RPTOR: variants seen among roughly 807,000 people sequenced by gnomAD.
The protein encoded by RPTOR is regulatory-associated protein of mTOR.
In RPTOR, 21 loss-of-function variants were observed where a neutral mutation model predicts 169.9. The ratio of observed to expected loss-of-function variants is 0.12; its 90% CI spans 0.09 to 0.18. RPTOR has a LOEUF of 0.18. RPTOR is among the 10% of genes least tolerant of loss of function. RPTOR has a pLI of 1.00. For synonymous variants in RPTOR, 732 were observed against 753.2 expected (o/e 0.97, Z 0.46); for missense variants, 1,133 against 1,855.9 (o/e 0.61, Z 7.16).
chr17:80,738,197 C>T (rs1043471970), intron 5 of RPTOR, among the ~76,000 whole-genome samples: 2 of 152,234 alleles, frequency 1.3e-5, no homozygotes, highest in East Asian at 1.9e-4. Context: ...ATGCCCAGCC[C>T]GGCCCCGTGT....
intron 9 of RPTOR, among the ~76,000 whole-genome samples, chr17:80,829,517 A>G (rs923927528): frequency 2.0e-5 from 3 of 152,072 alleles, no homozygotes; most frequent in Non-Finnish European, 4.4e-5. Flanking sequence ...GACACATCCA[A>G]CCCGACACAT....
chr17:80,709,657 C>G (rs571026600), intron 4 of RPTOR, among the ~76,000 whole-genome samples: 1 of 152,150 alleles, frequency 6.6e-6, no homozygotes, highest in African/African-American at 2.4e-5. Flanking sequence ...TGCTGTAAAC[C>G]GCGTGAGTGT....
intron 5 of RPTOR, among the ~76,000 whole-genome samples, chr17:80,738,554 C>G (rs949564930): frequency 6.6e-6 from 1 of 152,102 alleles, no homozygotes; most frequent in African/African-American, 2.4e-5. Context: ...AGGCAGCTTC[C>G]AGGGTGCAAC....
chr17:80,903,965 A>G (rs1201545416), intron 20 of RPTOR, among the ~76,000 whole-genome samples: 1 of 152,262 alleles, frequency 6.6e-6, no homozygotes, highest in East Asian at 1.9e-4. Flanking sequence ...CAGTTTTCCA[A>G]TGCTACAGGA....
At chr17:80,918,157 C>T (rs1000725592) in intron 21 of RPTOR, among the ~76,000 whole-genome samples, 3 of 152,198 alleles carry the variant, frequency 2.0e-5, no homozygotes, top group African/African-American at 7.2e-5. Context: ...ACCTGGGGAA[C>T]GAGGGCAGCA....
chr17:80,580,453 C>G (rs1038907033), intron 1 of RPTOR, among the ~76,000 whole-genome samples: 1 of 152,176 alleles, frequency 6.6e-6, no homozygotes, highest in African/African-American at 2.4e-5. Flanking sequence ...TTGAAAATAC[C>G]TTTGCAATTA....
At chr17:80,889,243 T>G (rs1349694946) in intron 17 of RPTOR, among the ~76,000 whole-genome samples, 2 of 152,194 alleles carry the variant, frequency 1.3e-5, no homozygotes, top group Non-Finnish European at 2.9e-5. Context: ...AGAGCAGAGT[T>G]GCCCCTCGTT....
chr17:80,827,753 G>A (rs767779540), intron 9 of RPTOR, among the ~76,000 whole-genome samples: 4 of 152,272 alleles, frequency 2.6e-5, no homozygotes, highest in African/African-American at 7.2e-5. Context: ...CAGTCGCGGC[G>A]GGTGACCACA....
rs746320806 is a variant in RPTOR, at chr17:80,908,981, A to C, written c.2520+52A>C. 8 of 1,289,160 alleles carry C rather than the reference A, an allele frequency of 6.2e-6. No individual in the cohort carries two copies. In the Admixed American group the frequency reaches 6.8e-5, roughly 11 times the overall value. 79.9% of individuals were successfully genotyped at this position (1,289,160 alleles called of 1,614,324 possible). On this transcript the variant is annotated intron_variant, in intron 21 of 33. Coordinates refer to ENST00000306801, the MANE Select transcript of RPTOR (RefSeq NM_020761.3). The stretch of plus-strand genomic sequence containing the variant: ...CTCCAGCTGCTGGTTCTCGGTTACG[A>C]GTATGCATGCCAGGAACTCCAGGTG...
chr17:80,900,124 C>T (rs1261253501), intron 20 of RPTOR, among the ~76,000 whole-genome samples: 1 of 152,066 alleles, frequency 6.6e-6, no homozygotes, highest in Non-Finnish European at 1.5e-5. Context: ...AGGGGACCGG[C>T]GTTTACTCAG....
chr17:80,724,682 G>C (rs920688958), intron 4 of RPTOR, among the ~76,000 whole-genome samples: 12 of 152,192 alleles, frequency 7.9e-5, no homozygotes, highest in African/African-American at 2.9e-4. Context: ...TGGTGGGTTG[G>C]AGTTGGGGTT....
Position 80,964,488 on chromosome 17 carries a change from TTGTC to T in RPTOR, c.*164_*167del. The stretch of plus-strand genomic sequence containing the variant: ...GGCAGGAGGGCCCTGCTACTCGCTT[TTGTC>T]TGTCTTCGCTGTCGTGTCTGGAATG... On this transcript the variant is annotated 3_prime_UTR_variant, in exon 34 of 34. Transcript: ENST00000306801. 5.7e-6 allele frequency: 4 copies of T among 696,762 alleles called. No homozygotes were observed. The highest frequency in any genetic ancestry group is 9.9e-6 in the Non-Finnish European group (4 of 405,114). The allele number at this position is 696,762 out of a possible 1,614,324, so 43.2% of individuals were successfully genotyped here. A position where few individuals can be genotyped will look rare whatever the true frequency, so the allele number is the denominator to read the frequency against.
chr17:80,614,243 AG>A (rs542546976), intron 1 of RPTOR, among the ~76,000 whole-genome samples: 4 of 152,194 alleles, frequency 2.6e-5, no homozygotes, highest in Non-Finnish European at 5.9e-5. Flanking sequence ...CTGTGGGGAC[AG>A]CAAAGTGGCC....
Position 80,914,944 on chromosome 17 carries a change from G to A in RPTOR, c.2520+6015G>A, listed in dbSNP as rs147115986. Reference sequence around the variant, plus strand: ...TGGGAACTTTTAGTGCTTTTTCCAAGCCTGCCCATGGCTGCCCATGAATCA... The same window carrying A: ...TGGGAACTTTTAGTGCTTTTTCCAAACCTGCCCATGGCTGCCCATGAATCA... On this transcript the variant is annotated intron_variant, in intron 21 of 33. Coordinates refer to ENST00000306801, the MANE Select transcript of RPTOR (RefSeq NM_020761.3). Among the ~76,000 whole-genome samples, 781 of 152,338 alleles carry A rather than the reference G, an allele frequency of 5.1e-3. 4 individuals are homozygous for A. Among genetic ancestry groups the A allele is most frequent in the Middle Eastern group, 0.017 (5 of 294 alleles).
At chr17:80,563,778 A>T (rs2084534838) in intron 1 of RPTOR, among the ~76,000 whole-genome samples, 1 of 152,100 alleles carries the variant, frequency 6.6e-6, no homozygotes, top group Non-Finnish European at 1.5e-5. Flanking sequence ...CACTCTCACA[A>T]CCAGATCCAG....
In RPTOR at chr17:80,892,317, A is replaced by G. The variant is rs11868998; in HGVS notation, c.2102-412A>G. Among the ~76,000 whole-genome samples the G allele has an allele frequency of 6.5e-3, 989 of 152,132 alleles. 13 individuals are homozygous for G. The highest frequency in any genetic ancestry group is 0.023 in the African/African-American group (942 of 41,486). On this transcript the variant is annotated intron_variant, in intron 18 of 33. Coordinates refer to ENST00000306801, the MANE Select transcript of RPTOR (RefSeq NM_020761.3). The stretch of plus-strand genomic sequence containing the variant: ...CGTCTCTGCCGTGCAGGGGCTTGTC[A>G]TCAGCAGTGAGGCCTCACTGCTTCT...
intron 21 of RPTOR, among the ~76,000 whole-genome samples, chr17:80,920,385 G>A (rs988254577): frequency 6.6e-6 from 1 of 152,230 alleles, no homozygotes; most frequent in Non-Finnish European, 1.5e-5. Context: ...CCTGATCCAG[G>A]TGTGTGTCTG....
At chr17:80,684,919 A>G (rs947790992) in intron 3 of RPTOR, among the ~76,000 whole-genome samples, 3 of 152,192 alleles carry the variant, frequency 2.0e-5, no homozygotes, top group Non-Finnish European at 4.4e-5. Flanking sequence ...GTGAGTCAAC[A>G]TCTTAACATT....
chr17:80,860,054 A>C lies in RPTOR; in HGVS notation c.1509+2154A>C, dbSNP rs2067900522. Among the ~76,000 whole-genome samples the C allele has an allele frequency of 6.6e-6, 1 of 152,182 alleles. No homozygotes were observed. The highest frequency in any genetic ancestry group is 6.5e-5 in the Admixed American group (1 of 15,286). ...AGGCCATGGCTTGGAGCCGGGGAAG[A>C]CCACCCTTTCCTTTTCTGTGTGGCA... On this transcript the variant is annotated intron_variant, in intron 13 of 33. Transcript: ENST00000306801. The surrounding 1 kb of genome is among the most constrained non-coding windows in gnomAD (Gnocchi z 5.8).
Sources: gnomAD v4.1 joint callset for allele counts (sites outside exome capture counted in the v4.1 genomes callset) on GRCh38, gnomAD v4.1.1 for gene constraint, Gnocchi (gnomAD v3.1) non-coding constraint, MANE v1.5 for transcripts, NCBI Gene and HGNC (gene_info 2026-07-23, HGNC 2026-07-21) for gene names.